Variants in ECI1 observed in about 807,000 individuals in gnomAD.
ECI1 encodes the protein enoyl-CoA delta isomerase 1.
A neutral mutation model predicts 34.2 loss-of-function variants in ECI1; 34 were observed. That is an observed-to-expected ratio of 1.00 (90% CI 0.76 to 1.33). The LOEUF (loss-of-function observed/expected upper bound fraction) is 1.33, where lower values mean the gene tolerates loss of function less well. Ranked by LOEUF, ECI1 falls within the 40% of genes most tolerant of loss-of-function variation. The pLI is 0.00. For missense variants in ECI1, 456 were observed against 422.2 expected (o/e 1.08, Z -0.70); for synonymous variants, 211 against 193.0 (o/e 1.09, Z -0.77).
At chr16:2,245,371 G>A (rs886903347) in intron 3 of ECI1, among the ~76,000 whole-genome samples, 1 of 152,230 alleles carries the variant, frequency 6.6e-6, no homozygotes, top group African/African-American at 2.4e-5. Flanking sequence ...GCAGGAAGGA[G>A]GGCGACAGCC....
chr16:2,246,572 G>C (rs548400363), intron 3 of ECI1, among the ~76,000 whole-genome samples: 2 of 152,274 alleles, frequency 1.3e-5, no homozygotes, highest in Non-Finnish European at 2.9e-5. Context: ...GCGTCTCTTG[G>C]GAAAGCTGTC....
At chr16:2,248,276 T>C (rs924211076) in intron 2 of ECI1, among the ~76,000 whole-genome samples, 5 of 152,016 alleles carry the variant, frequency 3.3e-5, no homozygotes, top group Non-Finnish European at 5.9e-5. Flanking sequence ...TTTGTATTTT[T>C]AGTAGAGATG....
chr16:2,245,043 G>A (rs1320921258), intron 3 of ECI1, among the ~76,000 whole-genome samples: 3 of 152,194 alleles, frequency 2.0e-5, no homozygotes, highest in Non-Finnish European at 2.9e-5. Context: ...AAGGAAGGGC[G>A]AGGGGTGAGC....
intron 2 of ECI1, 139 bp downstream of exon 2, chr16:2,251,177 G>C: frequency 3.6e-6 from 1 of 280,232 alleles, no homozygotes; most frequent in East Asian, 1.0e-4. Context: ...CAGGTAGAGC[G>C]GCAAGGTTCT....
chr16:2,250,820 TTTA>T (rs1462921995), intron 2 of ECI1, among the ~76,000 whole-genome samples: 1 of 152,010 alleles, frequency 6.6e-6, no homozygotes. Flanking sequence ...CAACTTTATT[TTTA>T]TTTATTTATT....
rs573605262 is a variant in ECI1, at chr16:2,243,037, G to A, written c.742+9C>T. Reference sequence around the variant, plus strand: ...CATCATCGGGCGCCCGCCATGCCCCGTGCCTCACCTGGAATGGCCATCCAC... The same window carrying A: ...CATCATCGGGCGCCCGCCATGCCCCATGCCTCACCTGGAATGGCCATCCAC... On this transcript the variant is annotated intron_variant, in intron 6 of 6. Coordinates refer to ENST00000301729, the MANE Select transcript of ECI1 (RefSeq NM_001919.4). 68 of 1,599,450 alleles carry A rather than the reference G, an allele frequency of 4.3e-5. No homozygotes were observed. The highest frequency in any genetic ancestry group is 2.2e-4 in the Middle Eastern group (1 of 4,540).
chr16:2,251,524 G>T lies in ECI1; in HGVS notation c.43C>A (p.Leu15Ile). The T allele has an allele frequency of 6.4e-7, 1 of 1,560,516 alleles. No individual in the cohort carries two copies. Among genetic ancestry groups the T allele is most frequent in the African/African-American group, 1.4e-5 (1 of 73,510 alleles). ...ACCCCGGGTTTCGCACCCGCGCGGA[G>T]CAGAACGCGCGCCGGGACTCGCACA... ...ASVRVPARVL[L>I]RAGARLPGAA... The change falls in exon 1 of 7, where the codon CTC becomes ATC. Residue 15 changes from leucine (L) to isoleucine (I), a missense_variant. Coordinates refer to ENST00000301729, the MANE Select transcript of ECI1 (RefSeq NM_001919.4).
Position 2,239,500 on chromosome 16 carries a change from C to A in ECI1, c.*479G>T. On this transcript the variant is annotated 3_prime_UTR_variant, in exon 7 of 7. Transcript: ENST00000301729. ...AGTCCCACTCCCGCTGGCTCAGGAT[C>A]CCCCAGTTGCTCTGATTCACTGTGC... 1 of 190,692 alleles carries A rather than the reference C, an allele frequency of 5.2e-6. No homozygotes were observed. Among genetic ancestry groups the A allele is most frequent in the Non-Finnish European group, 1.1e-5 (1 of 90,064 alleles). 11.8% of individuals were successfully genotyped at this position (190,692 alleles called of 1,614,324 possible).
chr16:2,250,377 AAGTTCAGAGG>A (rs1567315734), intron 2 of ECI1, among the ~76,000 whole-genome samples: 1 of 152,088 alleles, frequency 6.6e-6, no homozygotes, highest in Non-Finnish European at 1.5e-5. Flanking sequence ...GGACGGAACC[AAGTTCAGAGG>A]CACCAGGAGC....
chr16:2,249,544 T>C (rs1271057122), intron 2 of ECI1, among the ~76,000 whole-genome samples: 2 of 151,922 alleles, frequency 1.3e-5, no homozygotes, highest in Non-Finnish European at 2.9e-5. Context: ...ATGACAATTT[T>C]TTTACTCGAG....
intron 6 of ECI1, among the ~76,000 whole-genome samples, chr16:2,241,382 G>A (rs1473604706): frequency 1.3e-5 from 2 of 151,894 alleles, no homozygotes; most frequent in African/African-American, 4.8e-5. Flanking sequence ...TGCAACCTCC[G>A]CCTCCCAGGT....
intron 4 of ECI1, among the ~76,000 whole-genome samples, chr16:2,243,682 C>T (rs774036419): frequency 6.6e-6 from 1 of 152,322 alleles, no homozygotes; most frequent in African/African-American, 2.4e-5. Flanking sequence ...ATTAGTTCTT[C>T]GGCAACAGAT....
Position 2,244,638 on chromosome 16 carries a change from C to T in ECI1, c.295-86G>A, listed in dbSNP as rs531978368. The T allele has an allele frequency of 1.9e-4, 267 of 1,428,502 alleles. No homozygotes were observed. In the East Asian group the frequency reaches 4.6e-3, roughly 25 times the overall value. 88.5% of individuals were successfully genotyped at this position (1,428,502 alleles called of 1,614,324 possible). A position where few individuals can be genotyped will look rare whatever the true frequency, so the allele number is the denominator to read the frequency against. On this transcript the variant is annotated intron_variant, in intron 3 of 6. Transcript: ENST00000301729. ...AGGAGGGCTGGGGAGCCCAGGTGCA[C>T]GACGCACAGCAGGGCCAGGTCACGC...
At chr16:2,250,257 T>A (rs1596789962) in intron 2 of ECI1, among the ~76,000 whole-genome samples, 3 of 73,978 alleles carry the variant, frequency 4.1e-5, no homozygotes, top group South Asian at 5.5e-4. Context: ...CAAGACTACA[T>A]CTCCAAAAAA....
At chr16:2,245,077 G>C (rs1001661277) in intron 3 of ECI1, among the ~76,000 whole-genome samples, 1 of 152,128 alleles carries the variant, frequency 6.6e-6, no homozygotes, top group Non-Finnish European at 1.5e-5. Flanking sequence ...ACCCTCCCAC[G>C]GCTGGAGTAG....
chr16:2,245,738 T>C (rs1039993449), intron 3 of ECI1, among the ~76,000 whole-genome samples: 6 of 151,498 alleles, frequency 4.0e-5, no homozygotes, highest in African/African-American at 1.5e-4. Flanking sequence ...ATTAACCAGG[T>C]GCAATGGCTC....
At chr16:2,246,485 C>T (rs985033925) in intron 3 of ECI1, among the ~76,000 whole-genome samples, 1 of 152,144 alleles carries the variant, frequency 6.6e-6, no homozygotes, top group Non-Finnish European at 1.5e-5. Context: ...GACGACGGCC[C>T]GGGCAGGGAA....
At position 2,243,307 on chromosome 16, in the gene ECI1, C is replaced by G; in HGVS notation, c.563+11G>C. On this transcript the variant is annotated intron_variant, in intron 5 of 6. Transcript: ENST00000301729. ...ACAAGCATGGAGCGTGGCTGCAGCCCAGGGCCTTACCAGAAAGGGGCGATG... is the reference window on the plus strand; with the variant it reads ...ACAAGCATGGAGCGTGGCTGCAGCCGAGGGCCTTACCAGAAAGGGGCGATG... 1.2e-6 allele frequency: 2 copies of G among 1,613,566 alleles called. No homozygotes were observed. The highest frequency in any genetic ancestry group is 1.7e-6 in the Non-Finnish European group (2 of 1,180,026).
At chr16:2,245,778 C>T (rs1002930056) in intron 3 of ECI1, among the ~76,000 whole-genome samples, 8 of 152,054 alleles carry the variant, frequency 5.3e-5, no homozygotes, top group Non-Finnish European at 2.9e-5. Context: ...ACTGGGGAGC[C>T]GAGGTGGGAG....
Sources: allele counts gnomAD v4.1 joint callset (sites outside exome capture counted in the v4.1 genomes callset), GRCh38; gene constraint gnomAD v4.1.1; transcripts MANE v1.5; gene names NCBI Gene and HGNC (gene_info 2026-07-23, HGNC 2026-07-21).